MACROD2: variants seen among roughly 807,000 people sequenced by gnomAD.
MACROD2 encodes the protein mono-ADP ribosylhydrolase 2.
In MACROD2, 36 loss-of-function variants were observed where a neutral mutation model predicts 70.4. That is an observed-to-expected ratio of 0.51 (90% CI 0.39 to 0.68). The LOEUF is 0.68. MACROD2 is among the 30% of genes least tolerant of loss of function. The pLI is 0.00. For missense variants in MACROD2, 496 were observed against 538.4 expected, an observed-to-expected ratio of 0.92 and a Z score of 0.78; for synonymous variants, 172 against 178.8, an observed-to-expected ratio of 0.96 and a Z score of 0.30.
intron 6 of MACROD2, among the ~76,000 whole-genome samples, chr20:15,386,544 C>T (rs2045715451): frequency 6.6e-6 from 1 of 152,136 alleles, no homozygotes; most frequent in African/African-American, 2.4e-5. Context: ...ATAGTCAGGA[C>T]CCTGGAGTCA....
intron 3 of MACROD2, among the ~76,000 whole-genome samples, chr20:14,355,507 C>G (rs2083163801): frequency 1.3e-5 from 2 of 152,092 alleles, no homozygotes; most frequent in African/African-American, 4.8e-5. Context: ...ACCACATATC[C>G]ATCAATAAAA....
At chr20:14,243,681 A>G (rs1159032190) in intron 3 of MACROD2, among the ~76,000 whole-genome samples, 1 of 152,198 alleles carries the variant, frequency 6.6e-6, no homozygotes, top group Non-Finnish European at 1.5e-5. Context: ...TAACTCTTTA[A>G]TGGGTAGCTT....
chr20:14,469,023 C>T (rs758146702), intron 3 of MACROD2, among the ~76,000 whole-genome samples: 24 of 152,034 alleles, frequency 1.6e-4, no homozygotes, highest in African/African-American at 4.8e-4. Flanking sequence ...TTCATAGTAT[C>T]GATGGTCTTT....
chr20:14,031,518 A>G (rs2053246355), intron 2 of MACROD2, among the ~76,000 whole-genome samples: 3 of 152,158 alleles, frequency 2.0e-5, no homozygotes, highest in Admixed American at 1.3e-4. Flanking sequence ...AAATACTTTA[A>G]AAAGATATAT....
intron 13 of MACROD2, among the ~76,000 whole-genome samples, chr20:15,984,899 A>G (rs2066456436): frequency 6.6e-6 from 1 of 152,000 alleles, no homozygotes; most frequent in Admixed American, 6.6e-5. Flanking sequence ...CCAGCCACTT[A>G]TGCTGCTGTT....
intron 5 of MACROD2, among the ~76,000 whole-genome samples, chr20:14,701,090 A>G (rs966631473): frequency 6.6e-6 from 1 of 152,194 alleles, no homozygotes; most frequent in African/African-American, 2.4e-5. Context: ...GTGCTTAAAA[A>G]TATACAAAAT....
In MACROD2 at chr20:13,995,595, A is replaced by G; in HGVS notation, c.-169A>G. 1 of 704,616 alleles carries G rather than the reference A, an allele frequency of 1.4e-6. No homozygotes were observed. The highest frequency in any genetic ancestry group is 2.6e-6 in the Non-Finnish European group (1 of 389,652). The allele number at this position is 704,616 out of a possible 1,614,324, so 43.6% of individuals were successfully genotyped here. On this transcript the variant is annotated 5_prime_UTR_variant, in exon 1 of 18. Transcript: ENST00000684519. The surrounding 1 kb of genome is among the most constrained non-coding windows in gnomAD (Gnocchi z 4.3). ...GCCGGAGCCGAGCGCGGGCTGAGGG[A>G]GGAGGGCGGCGACTGGAGAGCGGCG...
intron 5 of MACROD2, among the ~76,000 whole-genome samples, chr20:14,797,745 T>A (rs2072527499): frequency 6.6e-6 from 1 of 152,092 alleles, no homozygotes; most frequent in Non-Finnish European, 1.5e-5. Context: ...TATTAACATT[T>A]GTTTCTAATT....
intron 8 of MACROD2, among the ~76,000 whole-genome samples, chr20:15,580,951 C>G (rs1324924176): frequency 2.0e-5 from 3 of 152,190 alleles, no homozygotes; most frequent in Non-Finnish European, 4.4e-5. Context: ...GCAGAACAGA[C>G]AAAGTCTGTG....
rs111668014 is a variant in MACROD2, at chr20:15,018,612, C to CAG, written c.419-211313_419-211312dup. ...TTAATAGGATATATATATAGAGAGA[C>CAG]AGAGAGAGAGAGAGAGCTCTAAGCA... On this transcript the variant is annotated intron_variant, in intron 5 of 17. Coordinates refer to ENST00000684519, the MANE Select transcript of MACROD2 (RefSeq NM_001351661.2). Among the ~76,000 whole-genome samples, 100 of 150,520 alleles carry CAG rather than the reference C, an allele frequency of 6.6e-4. No homozygotes were observed. The Middle Eastern group carries it at 0.01, about 16-fold the overall frequency.
chr20:14,293,114 A>C (rs1047503244), intron 3 of MACROD2, among the ~76,000 whole-genome samples: 1 of 151,822 alleles, frequency 6.6e-6, no homozygotes, highest in Admixed American at 6.6e-5. Flanking sequence ...AAAAGAGAGA[A>C]TATATATTAA....
intron 6 of MACROD2, among the ~76,000 whole-genome samples, chr20:15,269,498 A>G (rs185425860): frequency 5.9e-5 from 9 of 152,368 alleles, no homozygotes. Flanking sequence ...AAAATGGCTA[A>G]CTACTGATAA....
At chr20:15,022,127 CTATTT>C (rs1404649656) in intron 5 of MACROD2, among the ~76,000 whole-genome samples, 1 of 151,888 alleles carries the variant, frequency 6.6e-6, no homozygotes, top group Non-Finnish European at 1.5e-5. Flanking sequence ...TTTTTGGTGT[CTATTT>C]TATTTATTAG....
intron 10 of MACROD2, among the ~76,000 whole-genome samples, chr20:15,889,407 G>GATT (rs548276153): frequency 8.5e-5 from 13 of 152,182 alleles, no homozygotes; most frequent in Non-Finnish European, 1.5e-4. Context: ...GCTTAAAAGG[G>GATT]ATTAGTTCCT....
intron 5 of MACROD2, among the ~76,000 whole-genome samples, chr20:15,158,699 G>C (rs464232): frequency 6.6e-6 from 1 of 152,000 alleles, no homozygotes; most frequent in East Asian, 1.9e-4. Context: ...ACTCAGTTCC[G>C]GCAATATTAG....
At chr20:14,788,931 GC>G (rs1419804987) in intron 5 of MACROD2, among the ~76,000 whole-genome samples, 1 of 151,652 alleles carries the variant, frequency 6.6e-6, no homozygotes, top group Non-Finnish European at 1.5e-5. Context: ...ACGATGCCCG[GC>G]TAATTTTTGT....
At chr20:15,470,095 A>G (rs1205473061) in intron 7 of MACROD2, among the ~76,000 whole-genome samples, 1 of 151,896 alleles carries the variant, frequency 6.6e-6, no homozygotes, top group Non-Finnish European at 1.5e-5. Context: ...TGTCACCCAG[A>G]TTGGCGTATA....
intron 4 of MACROD2, among the ~76,000 whole-genome samples, chr20:14,608,668 G>T (rs2209596): frequency 0.29 from 44,212 of 152,028 alleles, 10,361 homozygotes; most frequent in African/African-American, 0.63. Flanking sequence ...AGTTTGACTA[G>T]TGGGAGGATG....
intron 8 of MACROD2, among the ~76,000 whole-genome samples, chr20:15,768,289 A>G (rs960085225): frequency 6.6e-6 from 1 of 152,172 alleles, no homozygotes; most frequent in South Asian, 2.1e-4. Context: ...CCCCTAGGCC[A>G]TACAGTATAA....
Sources: allele counts gnomAD v4.1 joint callset (sites outside exome capture counted in the v4.1 genomes callset), GRCh38; gene constraint gnomAD v4.1.1; non-coding constraint Gnocchi (gnomAD v3.1); transcripts MANE v1.5; gene names NCBI Gene and HGNC (gene_info 2026-07-23, HGNC 2026-07-21).